Variants in MBTPS1 observed in about 807,000 individuals in gnomAD.
MBTPS1 encodes the protein membrane-bound transcription factor site-1 protease.
A neutral mutation model predicts 127.8 loss-of-function variants in MBTPS1; 94 were observed. The observed-to-expected ratio is 0.74, with a 90% CI of 0.62 to 0.87. MBTPS1 has a LOEUF of 0.87. Among genes scored for constraint, MBTPS1 ranks in the 40% least tolerant of loss-of-function variants. MBTPS1 has a pLI of 0.00. For missense variants in MBTPS1, 1,636 were observed against 1,353.2 expected (o/e 1.21, Z -3.28); for synonymous variants, 632 against 509.4 (o/e 1.24, Z -3.24).
intron 13 of MBTPS1, 76 bp downstream of exon 13, chr16:84,070,512 G>A: frequency 1.4e-6 from 2 of 1,437,612 alleles, no homozygotes; most frequent in African/African-American, 1.4e-5. Context: ...GGAGACCCCA[G>A]GCATTTGGCC....
At position 84,063,341 on chromosome 16, in the gene MBTPS1, C is replaced by A. The variant is rs756984033; in HGVS notation, c.2536G>T (p.Asp846Tyr). ...TGACTGTCATCCAAGCAATTGGAGTCCCCATACAGTACAATCCGGCCTCCA... is the reference window on the plus strand; with the variant it reads ...TGACTGTCATCCAAGCAATTGGAGTACCCATACAGTACAATCCGGCCTCCA... The part of the protein sequence containing the change: ...EGGGRIVLYG[D>Y]SNCLDDSHRQ... The change falls in exon 19 of 23, where the codon GAC becomes TAC. Residue 846 changes from aspartate to tyrosine, a missense_variant. Transcript: ENST00000343411. 1 of 1,613,976 alleles carries A rather than the reference C, an allele frequency of 6.2e-7. No individual in the cohort carries two copies. Among genetic ancestry groups the A allele is most frequent in the South Asian group, 1.1e-5 (1 of 91,056 alleles).
chr16:84,080,808 C>T (rs562523963), intron 11 of MBTPS1, among the ~76,000 whole-genome samples: 1 of 152,360 alleles, frequency 6.6e-6, no homozygotes, highest in African/African-American at 2.4e-5. Context: ...CCTATTCCCA[C>T]ACCCTTCCCT....
chr16:84,074,021 A>T (rs1597319339), intron 12 of MBTPS1, among the ~76,000 whole-genome samples: 1 of 152,296 alleles, frequency 6.6e-6, no homozygotes, highest in East Asian at 1.9e-4. Context: ...AAAAATAAAG[A>T]ATGAAATACT....
At chr16:84,075,051 G>C (rs1176411571) in intron 11 of MBTPS1, 3 of 190,924 alleles carry the variant, frequency 1.6e-5, no homozygotes, top group Non-Finnish European at 3.2e-5. Context: ...ACTTGGACTT[G>C]AGTCTCTAGA....
Position 84,055,897 on chromosome 16 carries a change from G to A in MBTPS1, c.2962+108C>T, listed in dbSNP as rs1054774872. The A allele has an allele frequency of 1.1e-5, 14 of 1,271,788 alleles. No homozygotes were observed. In the African/African-American group the frequency reaches 1.3e-4, roughly 12 times the overall value. The allele number at this position is 1,271,788 out of a possible 1,614,324, so 78.8% of individuals were successfully genotyped here. Reference sequence around the variant, plus strand: ...GAGCCAAGGCCACCACAGCTCCCAGGAAGGCAGAGACAGGGAGAGTCTGGC... The same window carrying A: ...GAGCCAAGGCCACCACAGCTCCCAGAAAGGCAGAGACAGGGAGAGTCTGGC... On this transcript the variant is annotated intron_variant, in intron 22 of 22. Transcript: ENST00000343411.
In MBTPS1 at chr16:84,063,338, A is replaced by G; in HGVS notation, c.2539T>C (p.Ser847Pro). ...GGGRIVLYGD[S>P]NCLDDSHRQK... ...CGGTGACTGTCATCCAAGCAATTGG[A>G]GTCCCCATACAGTACAATCCGGCCT... Residue 847 changes from serine to proline, a missense_variant, in exon 19 of 23, where the codon TCC (serine) becomes CCC (proline). Transcript: ENST00000343411. 6.2e-7 allele frequency: 1 copy of G among 1,612,978 alleles called. No individual in the cohort carries two copies. Among genetic ancestry groups the G allele is most frequent in the Non-Finnish European group, 8.5e-7 (1 of 1,179,096 alleles).
chr16:84,107,729 G>C (rs1470365112), intron 1 of MBTPS1, among the ~76,000 whole-genome samples: 1 of 146,740 alleles, frequency 6.8e-6, no homozygotes, highest in Non-Finnish European at 1.5e-5. Flanking sequence ...TTTTGAGACA[G>C]GGTCCCGCTT....
chr16:84,093,633 G>T, intron 5 of MBTPS1, 78 bp downstream of exon 5: 1 of 1,021,508 alleles, frequency 9.8e-7, no homozygotes, highest in Non-Finnish European at 1.5e-6. Context: ...AATAATTGCT[G>T]GACAGACTGT....
intron 14 of MBTPS1, 28 bp downstream of exon 14, chr16:84,069,838 G>A (rs1597314195): frequency 1.3e-6 from 2 of 1,597,834 alleles, no homozygotes; most frequent in Non-Finnish European, 1.7e-6. Context: ...AGGCTGGGGA[G>A]GTGAAGTGCA....
chr16:84,094,427 T>G (rs192616846), intron 4 of MBTPS1, among the ~76,000 whole-genome samples: 1 of 152,324 alleles, frequency 6.6e-6, no homozygotes, highest in Admixed American at 6.5e-5. Context: ...TTTTCTATAA[T>G]AGTAAGTCTA....
intron 3 of MBTPS1, 134 bp downstream of exon 3, chr16:84,098,919 C>G: frequency 2.2e-6 from 2 of 923,040 alleles, no homozygotes; most frequent in Non-Finnish European, 3.3e-6. Flanking sequence ...AAATTCCTAC[C>G]AGGAAAATGT....
At chr16:84,105,330 C>T (rs1485724810) in intron 1 of MBTPS1, among the ~76,000 whole-genome samples, 1 of 152,146 alleles carries the variant, frequency 6.6e-6, no homozygotes, top group African/African-American at 2.4e-5. Flanking sequence ...AGTCAGGGCA[C>T]AACCTTCCAA....
At chr16:84,115,535 A>G (rs988536859) in intron 1 of MBTPS1, among the ~76,000 whole-genome samples, 3 of 152,260 alleles carry the variant, frequency 2.0e-5, no homozygotes, top group Admixed American at 6.5e-5. Context: ...ATACAACTGA[A>G]TATTATTTGG....
rs898207828 is a variant in MBTPS1 at position 84,056,132 on chromosome 16, G to A, written c.2835C>T (p.Asn945=). ...AGAGTAGCTTCTGATGTTTCCAAAG[G>A]TTACTTCAGGAAAATGGATTAAAAC... The part of the protein sequence containing the change: ...PQPLNETAPS[N]LWKHQKLLSI... Residue 945 remains asparagine, a synonymous_variant, in exon 22 of 23, where the codon AAC becomes AAT. Transcript: ENST00000343411. 1.9e-6 allele frequency: 3 copies of A among 1,613,486 alleles called. No homozygotes were observed. Among genetic ancestry groups the A allele is most frequent in the African/African-American group, 1.3e-5 (1 of 75,030 alleles).
At chr16:84,115,927 A>C (rs1269035249) in intron 1 of MBTPS1, among the ~76,000 whole-genome samples, 1 of 128,008 alleles carries the variant, frequency 7.8e-6, no homozygotes, top group Non-Finnish European at 1.6e-5. Flanking sequence ...AAATAATAAA[A>C]GCGGATTCTC....
At position 84,054,137 on chromosome 16, in the gene MBTPS1, C is replaced by T. The variant is rs2085479826; in HGVS notation, c.*312G>A. On this transcript the variant is annotated 3_prime_UTR_variant, in exon 23 of 23. Transcript: ENST00000343411. ...GTATCATTTGTTTGGAAAGTACATC[C>T]TTCCCCTGCAGTCAGAAGACCCCAG... 4.2e-6 allele frequency: 1 copy of T among 239,958 alleles called. No homozygotes were observed. Among genetic ancestry groups the T allele is most frequent in the East Asian group, 8.3e-5 (1 of 12,040 alleles). 14.9% of individuals were successfully genotyped at this position (239,958 alleles called of 1,614,324 possible). A position where few individuals can be genotyped will look rare whatever the true frequency, so the allele number is the denominator to read the frequency against.
intron 10 of MBTPS1, among the ~76,000 whole-genome samples, chr16:84,083,346 G>A (rs1441056537): frequency 6.6e-6 from 1 of 152,190 alleles, no homozygotes; most frequent in Non-Finnish European, 1.5e-5. Flanking sequence ...TTTCCAGCAA[G>A]CACATGGTTA....
chr16:84,060,690 C>T lies in MBTPS1; in HGVS notation c.2696G>A (p.Arg899Lys), dbSNP rs2085596705. 1 of 1,613,830 alleles carries T rather than the reference C, an allele frequency of 6.2e-7. No homozygotes were observed. Among genetic ancestry groups the T allele is most frequent in the Non-Finnish European group, 8.5e-7 (1 of 1,179,818 alleles). Residue 899 changes from arginine (R) to lysine (K), a missense_variant, in exon 20 of 23, where the codon AGG (arginine) becomes AAG (lysine). Coordinates refer to ENST00000343411, the MANE Select transcript of MBTPS1 (RefSeq NM_003791.4). The stretch of plus-strand genomic sequence containing the variant: ...CCTGCCCATCCACTCACCTTCCATC[C>T]TCTCTGGAGTGACTGAGCCTGCTCC... ...PSGAGSVTPE[R>K]MEGNHLHRYS...
chr16:84,095,571 A>G (rs754480735), intron 4 of MBTPS1, 31 bp downstream of exon 4: 8 of 1,608,826 alleles, frequency 5.0e-6, no homozygotes, highest in South Asian at 1.1e-5. Flanking sequence ...TGTATATCCC[A>G]TAAGCACCTT....
Sources: allele counts gnomAD v4.1 joint callset (sites outside exome capture counted in the v4.1 genomes callset), GRCh38; gene constraint gnomAD v4.1.1; transcripts MANE v1.5; gene names NCBI Gene and HGNC (gene_info 2026-07-23, HGNC 2026-07-21).